The following WNT9B variants were observed in gnomAD, a reference collection of about 807,000 sequenced individuals.
WNT9B encodes the protein Wnt family member 9B.
Under a neutral mutation model 30.2 loss-of-function variants are expected in WNT9B, and 12 were observed. The ratio of observed to expected loss-of-function variants is 0.40; its 90% CI spans 0.26 to 0.64. WNT9B has a LOEUF of 0.64. Among genes scored for constraint, WNT9B ranks in the 30% least tolerant of loss-of-function variants. The pLI is 0.42. For synonymous variants in WNT9B, 218 were observed against 216.9 expected, an observed-to-expected ratio of 1.01 and a Z score of -0.05; for missense variants, 442 against 485.2, an observed-to-expected ratio of 0.91 and a Z score of 0.84.
At chr17:46,881,550 C>A (rs987302329), downstream of WNT9B, among the ~76,000 whole-genome samples, 4 of 152,206 alleles carry the variant, frequency 2.6e-5, no homozygotes, top group Non-Finnish European at 5.9e-5. Flanking sequence ...GCCTCCAAAC[C>A]CCATATTCTC....
rs531190165 is a variant in WNT9B at position 46,839,120 on chromosome 17, C to T, written c.95+5680C>T. On this transcript the variant is annotated intron_variant, in intron 1 of 2. Transcript: ENST00000575372. ...CTCGAACTCCTGACCTCAGGAGTTC[C>T]GCCCGCCTCGGCCTCCCAAAGTACT... Among the ~76,000 whole-genome samples, 8 of 152,268 alleles carry T rather than the reference C, an allele frequency of 5.3e-5. No individual in the cohort carries two copies. In the South Asian group the frequency reaches 1.5e-3, roughly 28 times the overall value.
At chr17:46,839,520 C>T (rs567056296) in intron 1 of WNT9B, among the ~76,000 whole-genome samples, 1 of 152,062 alleles carries the variant, frequency 6.6e-6, no homozygotes, top group Non-Finnish European at 1.5e-5. Context: ...GCTGTAAATT[C>T]TTTATATATA....
upstream of WNT9B, among the ~76,000 whole-genome samples, chr17:46,850,951 A>G (rs2146539221): frequency 6.6e-6 from 1 of 152,166 alleles, no homozygotes; most frequent in African/African-American, 2.4e-5. Flanking sequence ...CCTCGCCGGT[A>G]ACAGTCACTC....
chr17:46,853,979 G>A (rs551559369), intron 1 of WNT9B, among the ~76,000 whole-genome samples: 2 of 151,910 alleles, frequency 1.3e-5, no homozygotes, highest in South Asian at 4.2e-4. Context: ...TGACATGTGA[G>A]ATGGTCAAAT....
chr17:46,842,864 C>T (rs1368121571), intron 1 of WNT9B, among the ~76,000 whole-genome samples: 1 of 152,230 alleles, frequency 6.6e-6, no homozygotes, highest in African/African-American at 2.4e-5. Flanking sequence ...TGTCCACATT[C>T]ATCTTCACAT....
intron 2 of WNT9B, 33 bp from the exon 3 acceptor site, chr17:46,875,068 C>T: frequency 6.2e-7 from 1 of 1,613,430 alleles, no homozygotes; most frequent in Non-Finnish European, 8.5e-7. Context: ...TCCCCCTTTC[C>T]TCCCTCCCTA....
chr17:46,846,996 C>T (rs561009238), upstream of WNT9B, among the ~76,000 whole-genome samples: 14 of 152,234 alleles, frequency 9.2e-5, no homozygotes, highest in Non-Finnish European at 1.8e-4. Context: ...GCTTAAAGTT[C>T]CACCATTGGA....
In WNT9B at chr17:46,875,747, C is replaced by CT. The variant is rs572239606; in HGVS notation, c.600+382dup. ...GTTTGAAAACCTCCATCTAGAGCAA[C>CT]TGCCCACTTCTCCATTTTATGGGTG... On this transcript the variant is annotated intron_variant, in intron 3 of 3. Coordinates refer to ENST00000290015, the MANE Select transcript of WNT9B (RefSeq NM_003396.3). 2.8e-3 allele frequency among the ~76,000 whole-genome samples: 422 copies of CT among 152,328 alleles called. 2 individuals carry two copies. Among genetic ancestry groups the CT allele is most frequent in the Admixed American group, 4.8e-3 (73 of 15,308 alleles).
chr17:46,880,358 A>G lies in WNT9B; in HGVS notation c.*3640A>G, dbSNP rs1164495054. ...TTCTGTCTCAGGACACTTTAGAATA[A>G]CAATGGAAGCCATCACTTATTGAGC... On this transcript the variant is annotated 3_prime_UTR_variant, in exon 4 of 4. Coordinates refer to ENST00000290015, the MANE Select transcript of WNT9B (RefSeq NM_003396.3). Among the ~76,000 whole-genome samples, 1 of 152,176 alleles carries G rather than the reference A, an allele frequency of 6.6e-6. No homozygotes were observed. The highest frequency in any genetic ancestry group is 1.9e-4 in the East Asian group (1 of 5,184).
In WNT9B at chr17:46,872,539, A is replaced by C; in HGVS notation, c.100A>C (p.Thr34Pro). The C allele has an allele frequency of 6.4e-7, 1 of 1,558,130 alleles. No homozygotes were observed. The highest frequency in any genetic ancestry group is 8.7e-7 in the Non-Finnish European group (1 of 1,149,596). Residue 34 changes from threonine to proline, a missense_variant, in exon 2 of 4, where the codon ACG becomes CCG. Thr to Pro is a conservative substitution (Grantham distance 38, BLOSUM62 -1). Coordinates refer to ENST00000290015, the MANE Select transcript of WNT9B (RefSeq NM_003396.3). ...YFGLTGREVL[T>P]PFPGLGTAAA... ...TAGCCTGACCGGGCGGGAAGTCCTGACGCCCTTCCCAGGATTGGGCACTGC... is the reference window on the plus strand; with the variant it reads ...TAGCCTGACCGGGCGGGAAGTCCTGCCGCCCTTCCCAGGATTGGGCACTGC...
Position 46,878,138 on chromosome 17 carries a change from T to C in WNT9B, c.*1420T>C, listed in dbSNP as rs1348082433. 6.6e-6 allele frequency among the ~76,000 whole-genome samples: 1 copy of C among 152,216 alleles called. No homozygotes were observed. Among genetic ancestry groups the C allele is most frequent in the Non-Finnish European group, 1.5e-5 (1 of 68,028 alleles). ...GCAGGGGTCCCCTTGCTGGAGGCAT[T>C]GTACTTCCCCAGAGTGGGGCCCGAT... On this transcript the variant is annotated 3_prime_UTR_variant, in exon 4 of 4. Coordinates refer to ENST00000290015, the MANE Select transcript of WNT9B (RefSeq NM_003396.3).
chr17:46,876,367 CTA>C lies in WNT9B; in HGVS notation c.725_726del (p.Tyr242Ter). On this transcript the variant is annotated frameshift_variant, in exon 4 of 4. Transcript: ENST00000290015. LOFTEE classifies it high-confidence loss of function. Reference sequence around the variant, plus strand: ...AGACGGGCCAGGTGCTGAAACTGCGCTATGACTCGGCTGTCAAGGTGTCCAGT... The same window carrying C: ...AGACGGGCCAGGTGCTGAAACTGCGCTGACTCGGCTGTCAAGGTGTCCAGT... ...RETGQVLKLR[Y>X]DSAVKVSSAT... 1 of 1,614,052 alleles carries C rather than the reference CTA, an allele frequency of 6.2e-7. No individual in the cohort carries two copies. Among genetic ancestry groups the C allele is most frequent in the South Asian group, 1.1e-5 (1 of 91,092 alleles).
intron 1 of WNT9B, among the ~76,000 whole-genome samples, chr17:46,865,536 T>C (rs1266839503): frequency 1.3e-5 from 2 of 150,448 alleles, no homozygotes; most frequent in Non-Finnish European, 3.0e-5. Context: ...GATCCAGGAG[T>C]AGGGGTTGGG....
chr17:46,862,176 A>G (rs2085051339), intron 1 of WNT9B, among the ~76,000 whole-genome samples: 1 of 151,270 alleles, frequency 6.6e-6, no homozygotes, highest in Non-Finnish European at 1.5e-5. Context: ...AAAAAAAAAA[A>G]AAAGAAAAAG....
Position 46,863,564 on chromosome 17 carries a change from G to A in WNT9B, c.78-8953G>A, listed in dbSNP as rs556237748. On this transcript the variant is annotated intron_variant, in intron 1 of 3. Coordinates refer to ENST00000290015, the MANE Select transcript of WNT9B (RefSeq NM_003396.3). ...GAGGGGGATGGGGCTGGCAAGTAAG[G>A]AGGGCTTCCTGGAGGAGGCAAACAA... 1.2e-3 allele frequency among the ~76,000 whole-genome samples: 188 copies of A among 152,292 alleles called. 5 individuals carry two copies. The South Asian group carries it at 0.036, about 29-fold the overall frequency.
At chr17:46,860,081 G>A (rs2146565028) in intron 1 of WNT9B, among the ~76,000 whole-genome samples, 1 of 152,242 alleles carries the variant, frequency 6.6e-6, no homozygotes, top group Non-Finnish European at 1.5e-5. Context: ...GCCAAACATC[G>A]CTGATAAGAA....
chr17:46,875,023 G>A lies in WNT9B; in HGVS notation c.335-78G>A, dbSNP rs367801221. The A allele has an allele frequency of 1.7e-5, 28 of 1,610,952 alleles. 1 individual carries two copies. Among genetic ancestry groups the A allele is most frequent in the South Asian group, 2.2e-5 (2 of 90,978 alleles). ...CCACCGCCTCTGGCCCTCAGAGGGC[G>A]GCAGGCAACCTCTAAGCTTCCTCCT... On this transcript the variant is annotated intron_variant, in intron 2 of 3. Transcript: ENST00000290015.
At position 46,878,412 on chromosome 17, in the gene WNT9B, G is replaced by A. The variant is rs1279120970; in HGVS notation, c.*1694G>A. ...GCGAGGAGGAGCTGCCCAGTCTCCA[G>A]TGGATCAGGGCAGTCTGCTGGATGC... On this transcript the variant is annotated 3_prime_UTR_variant, in exon 4 of 4. Coordinates refer to ENST00000290015, the MANE Select transcript of WNT9B (RefSeq NM_003396.3). Among the ~76,000 whole-genome samples, 1 of 152,262 alleles carries A rather than the reference G, an allele frequency of 6.6e-6. No individual in the cohort carries two copies. Among genetic ancestry groups the A allele is most frequent in the African/African-American group, 2.4e-5 (1 of 41,468 alleles).
chr17:46,861,675 C>T (rs2085040382), intron 1 of WNT9B, among the ~76,000 whole-genome samples: 1 of 152,290 alleles, frequency 6.6e-6, no homozygotes, highest in Non-Finnish European at 1.5e-5. Context: ...TACACCCAAG[C>T]CCCTCATTGG....
Sources: allele counts gnomAD v4.1 joint callset (sites outside exome capture counted in the v4.1 genomes callset), GRCh38; gene constraint gnomAD v4.1.1; transcripts MANE v1.5; gene names NCBI Gene and HGNC (gene_info 2026-07-23, HGNC 2026-07-21).